Variants in PCSK6 observed in about 807,000 individuals in gnomAD.
The protein encoded by PCSK6 is proprotein convertase subtilisin/kexin type 6.
In PCSK6, 85 loss-of-function variants were observed where a neutral mutation model predicts 123.3. The ratio of observed to expected loss-of-function variants is 0.69; its 90% CI spans 0.58 to 0.83. The LOEUF is 0.83. Among genes scored for constraint, PCSK6 ranks in the 40% least tolerant of loss-of-function variants. PCSK6 has a pLI of 0.00. For missense variants in PCSK6, 1,191 were observed against 1,282.3 expected, an observed-to-expected ratio of 0.93 and a Z score of 1.09; for synonymous variants, 508 against 516.0, an observed-to-expected ratio of 0.98 and a Z score of 0.21.
At chr15:101,382,342 G>A (rs566278113) in intron 10 of PCSK6, 133 bp from the exon 11 acceptor site, 11 of 660,046 alleles carry the variant, frequency 1.7e-5, no homozygotes, top group African/African-American at 1.6e-4. Context: ...GGGGCCCCAG[G>A]CTGCAGGACG....
At chr15:101,459,410 C>T (rs1184840706) in intron 1 of PCSK6, among the ~76,000 whole-genome samples, 1 of 152,044 alleles carries the variant, frequency 6.6e-6, no homozygotes, top group Non-Finnish European at 1.5e-5. Context: ...CCCAGTTCTC[C>T]CGGCTTGCTC....
At chr15:101,347,455 T>G in intron 13 of PCSK6, 1 of 1,253,642 alleles carries the variant, frequency 8.0e-7, no homozygotes, top group Non-Finnish European at 1.0e-6. Context: ...AAGAGACTAA[T>G]CTCTTCCCCT....
In PCSK6 at chr15:101,325,838, C is replaced by T. The variant is rs116311350; in HGVS notation, c.2180+539G>A. Among the ~76,000 whole-genome samples, 226 of 152,336 alleles carry T rather than the reference C, an allele frequency of 1.5e-3. 3 individuals carry two copies. The highest frequency in any genetic ancestry group is 4.9e-3 in the African/African-American group (205 of 41,576). Reference sequence around the variant, plus strand: ...CCTGAACCGGGCAACTGGCCATATACGTGGGGTCCCAGGTCAGAGCTCCTG... The same window carrying T: ...CCTGAACCGGGCAACTGGCCATATATGTGGGGTCCCAGGTCAGAGCTCCTG... On this transcript the variant is annotated intron_variant, in intron 16 of 21. Coordinates refer to ENST00000611716, the MANE Select transcript of PCSK6 (RefSeq NM_002570.5).
At chr15:101,408,864 T>C (rs2042855085) in intron 6 of PCSK6, among the ~76,000 whole-genome samples, 1 of 152,230 alleles carries the variant, frequency 6.6e-6, no homozygotes, top group African/African-American at 2.4e-5. Context: ...AATTTAGCTG[T>C]TATGTACTTA....
At chr15:101,475,742 C>T (rs188681302) in intron 1 of PCSK6, among the ~76,000 whole-genome samples, 96 of 151,234 alleles carry the variant, frequency 6.3e-4, no homozygotes, top group African/African-American at 2.2e-3. Context: ...CCTCCAGCCT[C>T]AGCCTCCCAA....
At chr15:101,377,458 G>A (rs1029826357) in intron 11 of PCSK6, among the ~76,000 whole-genome samples, 1 of 152,206 alleles carries the variant, frequency 6.6e-6, no homozygotes, top group African/African-American at 2.4e-5. Flanking sequence ...CTGGGCCTAA[G>A]TTCCTAACTC....
In PCSK6 at chr15:101,382,136, C is replaced by A; in HGVS notation, c.1488G>T (p.Val496=). 6.2e-7 allele frequency: 1 copy of A among 1,612,472 alleles called. No homozygotes were observed. Among genetic ancestry groups the A allele is most frequent in the Non-Finnish European group, 8.5e-7 (1 of 1,179,410 alleles). The change falls in exon 11 of 22, where the codon GTG becomes GTT. Residue 496 remains valine (V), a synonymous_variant. Coordinates refer to ENST00000611716, the MANE Select transcript of PCSK6 (RefSeq NM_002570.5). Reference sequence around the variant, plus strand: ...CGGCCACACACATGTGCTGCGATGGCACTGCTGTCCACTTCTTTGCCTCCA... The same window carrying A: ...CGGCCACACACATGTGCTGCGATGGAACTGCTGTCCACTTCTTTGCCTCCA... ...LVVEAKKWTA[V]PSQHMCVAAS...
intron 7 of PCSK6, among the ~76,000 whole-genome samples, chr15:101,397,866 C>T (rs1422744456): frequency 6.6e-6 from 1 of 152,244 alleles, no homozygotes; most frequent in African/African-American, 2.4e-5. Flanking sequence ...CATCTTTGCC[C>T]TGCTTAGCCC....
At chr15:101,430,428 C>T (rs547269874) in intron 4 of PCSK6, among the ~76,000 whole-genome samples, 148 of 152,310 alleles carry the variant, frequency 9.7e-4, no homozygotes, top group Middle Eastern at 3.4e-3. Context: ...TTGGCTACTC[C>T]GAGTCACTCG....
Position 101,438,931 on chromosome 15 carries a change from C to T in PCSK6, c.402+4625G>A, listed in dbSNP as rs73483125. Among the ~76,000 whole-genome samples, 1,221 of 152,292 alleles carry T rather than the reference C, an allele frequency of 8.0e-3. 27 individuals are homozygous for T. The highest frequency in any genetic ancestry group is 0.027 in the African/African-American group (1,139 of 41,548). ...GCAACAGCAGGGGAAGGTGGGGAGC[C>T]GTCTGTGCAAAAGCTCTGCAGAGGG... On this transcript the variant is annotated intron_variant, in intron 2 of 21. Transcript: ENST00000611716.
At chr15:101,478,510 T>TTCCC (rs995118420) in intron 1 of PCSK6, among the ~76,000 whole-genome samples, 29 of 152,284 alleles carry the variant, frequency 1.9e-4, no homozygotes, top group African/African-American at 6.7e-4. Flanking sequence ...CCTTCCCACT[T>TTCCC]TCCCTCCCTC....
intron 11 of PCSK6, 75 bp from the exon 12 acceptor site, chr15:101,370,598 G>T: frequency 7.6e-7 from 1 of 1,315,046 alleles, no homozygotes; most frequent in Non-Finnish European, 9.9e-7. Flanking sequence ...GAGCTCCAGC[G>T]CCCGTCCACT....
chr15:101,460,090 C>A (rs1325531811), intron 1 of PCSK6, among the ~76,000 whole-genome samples: 1 of 152,108 alleles, frequency 6.6e-6, no homozygotes, highest in East Asian at 1.9e-4. Context: ...ACATGGCCAC[C>A]ACTATGCCCC....
At chr15:101,395,193 G>A (rs887508230) in intron 7 of PCSK6, among the ~76,000 whole-genome samples, 1 of 152,204 alleles carries the variant, frequency 6.6e-6, no homozygotes, top group Non-Finnish European at 1.5e-5. Context: ...GCAAGGTGGA[G>A]CATGCAACCT....
chr15:101,405,143 A>G (rs1038445093), intron 6 of PCSK6, among the ~76,000 whole-genome samples: 5 of 152,226 alleles, frequency 3.3e-5, no homozygotes, highest in Admixed American at 6.5e-5. Flanking sequence ...CTGTTCCAAC[A>G]TGAGCTTTAA....
At chr15:101,318,269 C>G in intron 19 of PCSK6, 50 bp downstream of exon 19, 1 of 1,348,536 alleles carries the variant, frequency 7.4e-7, no homozygotes, top group Non-Finnish European at 1.0e-6. Flanking sequence ...AGGCAGCTAG[C>G]CTACGCTTGG....
At chr15:101,367,064 C>G (rs2041419200) in intron 12 of PCSK6, among the ~76,000 whole-genome samples, 2 of 152,106 alleles carry the variant, frequency 1.3e-5, no homozygotes, top group African/African-American at 4.8e-5. Context: ...GGAGACAGCT[C>G]CCCCACCCCC....
At chr15:101,348,962 G>A (rs1011198198) in intron 13 of PCSK6, among the ~76,000 whole-genome samples, 3 of 152,196 alleles carry the variant, frequency 2.0e-5, no homozygotes, top group Non-Finnish European at 2.9e-5. Flanking sequence ...TTTGGTTTTC[G>A]TAACTGATCT....
intron 13 of PCSK6, among the ~76,000 whole-genome samples, chr15:101,355,187 G>T (rs1204693900): frequency 1.3e-5 from 2 of 152,228 alleles, no homozygotes; most frequent in African/African-American, 2.4e-5. Flanking sequence ...GGGAGAAAGT[G>T]AATTCTCAGA....
Sources: allele counts gnomAD v4.1 joint callset (sites outside exome capture counted in the v4.1 genomes callset), GRCh38; gene constraint gnomAD v4.1.1; transcripts MANE v1.5; gene names NCBI Gene and HGNC (gene_info 2026-07-23, HGNC 2026-07-21).